Variants in SLC17A6 observed in about 807,000 individuals in gnomAD.
SLC17A6 encodes the protein solute carrier family 17 member 6.
In SLC17A6, 35 loss-of-function variants were observed where a neutral mutation model predicts 67.1. That is an observed-to-expected ratio of 0.52 (90% confidence interval 0.40 to 0.69). SLC17A6 has a LOEUF of 0.69. Among genes scored for constraint, SLC17A6 ranks in the 30% least tolerant of loss-of-function variants. SLC17A6 has a pLI of 0.00. For synonymous variants in SLC17A6, 285 were observed against 252.3 expected, an observed-to-expected ratio of 1.13 and a Z score of -1.23; for missense variants, 588 against 723.9, an observed-to-expected ratio of 0.81 and a Z score of 2.15.
intron 4 of SLC17A6, among the ~76,000 whole-genome samples, chr11:22,360,294 G>A (rs1856036458): frequency 6.6e-6 from 1 of 151,986 alleles, no homozygotes; most frequent in Non-Finnish European, 1.5e-5. Context: ...CATGGACACA[G>A]GGAGGGGAAC....
chr11:22,341,258 G>T (rs1316263492), intron 1 of SLC17A6, among the ~76,000 whole-genome samples: 1 of 152,172 alleles, frequency 6.6e-6, no homozygotes, highest in Non-Finnish European at 1.5e-5. Flanking sequence ...AGCGCCCAGG[G>T]GTGGATCCCG....
intron 8 of SLC17A6, among the ~76,000 whole-genome samples, chr11:22,371,786 G>T (rs570208062): frequency 6.6e-6 from 1 of 152,102 alleles, no homozygotes; most frequent in East Asian, 1.9e-4. Context: ...AAATAAAATT[G>T]TGGATAAATT....
rs577013570 is a variant in SLC17A6, at chr11:22,373,936, C to A, written c.1042-819C>A. 8.9e-4 allele frequency among the ~76,000 whole-genome samples: 135 copies of A among 152,286 alleles called. 2 individuals are homozygous for A. The Middle Eastern group carries it at 0.01, about 12-fold the overall frequency. On this transcript the variant is annotated intron_variant, in intron 8 of 11. Coordinates refer to ENST00000263160, the MANE Select transcript of SLC17A6 (RefSeq NM_020346.3). ...CATACTTAAACACAAATTATGAATG[C>A]CATCTGCCAACAATTGTTCTTCAAA...
chr11:22,341,252 C>G (rs1855811931), intron 1 of SLC17A6, among the ~76,000 whole-genome samples: 1 of 152,192 alleles, frequency 6.6e-6, no homozygotes, highest in African/African-American at 2.4e-5. Flanking sequence ...AATCAGAGCG[C>G]CCAGGGGTGG....
chr11:22,360,788 G>A (rs1269565113), intron 4 of SLC17A6, 109 bp from the exon 5 acceptor site: 2 of 832,792 alleles, frequency 2.4e-6, no homozygotes, highest in Non-Finnish European at 3.7e-6. Context: ...CAGAAAAAAA[G>A]AAAATTGAGG....
At position 22,338,543 on chromosome 11, in the gene SLC17A6, G is replaced by A; in HGVS notation, c.10G>A (p.Val4Ile). Reference sequence around the variant, plus strand: ...AACAGTCTTTGCAAGAATGGAATCCGTAAAACAAAGGATTTTGGCCCCAGG... The same window carrying A: ...AACAGTCTTTGCAAGAATGGAATCCATAAAACAAAGGATTTTGGCCCCAGG... MES[V>I]KQRILAPGKE... The change falls in exon 1 of 12, where the codon GTA becomes ATA. Residue 4 changes from valine to isoleucine, a missense_variant. Around this residue, in one of 4 missense-constraint regions of SLC17A6, gnomAD observed 117 missense variants for 98.7 expected, o/e 1.19. Transcript: ENST00000263160. 6.2e-7 allele frequency: 1 copy of A among 1,612,528 alleles called. No individual in the cohort carries two copies. The highest frequency in any genetic ancestry group is 1.1e-5 in the South Asian group (1 of 90,910).
chr11:22,379,407 C>T lies in SLC17A6; in HGVS notation c.*1667C>T, dbSNP rs1198922040. ...GTGCCTCAAAGTGATGTAATGTGAT[C>T]ACAGCTTTTGTTGTGTTGAATGAAA... On this transcript the variant is annotated 3_prime_UTR_variant, in exon 12 of 12. Transcript: ENST00000263160. 6 of 152,170 alleles carry T rather than the reference C, an allele frequency of 3.9e-5. No homozygotes were observed. Among genetic ancestry groups the T allele is most frequent in the Admixed American group, 2.6e-4 (4 of 15,232 alleles). 9.4% of individuals were successfully genotyped at this position (152,170 alleles called of 1,614,324 possible).
chr11:22,359,711 C>T (rs1856028195), intron 4 of SLC17A6, among the ~76,000 whole-genome samples, 184 bp downstream of exon 4: 1 of 151,984 alleles, frequency 6.6e-6, no homozygotes, highest in Non-Finnish European at 1.5e-5. Context: ...GATATGAAAC[C>T]ATGAATATCA....
Position 22,365,609 on chromosome 11 carries a change from C to A in SLC17A6, c.811C>A (p.His271Asn). The stretch of plus-strand genomic sequence containing the variant: ...GGTGTCTTATGAAAGTCCTGCAAAG[C>A]ATCCTACTATTACAGATGAAGAACG... ...LLVSYESPAK[H>N]PTITDEERRY... Residue 271 changes from histidine (H) to asparagine (N), a missense_variant, in exon 7 of 12, where the codon CAT becomes AAT. His to Asn is a moderately conservative substitution (Grantham distance 68). Around this residue, in one of 4 missense-constraint regions of SLC17A6, gnomAD observed 414 missense variants for 563.4 expected, o/e 0.73. Transcript: ENST00000263160. The A allele has an allele frequency of 6.2e-7, 1 of 1,613,958 alleles. No homozygotes were observed. The highest frequency in any genetic ancestry group is 1.1e-5 in the South Asian group (1 of 91,082).
chr11:22,360,837 A>T (rs977925841), intron 4 of SLC17A6, 60 bp from the exon 5 acceptor site: 5 of 1,445,672 alleles, frequency 3.5e-6, no homozygotes, highest in African/African-American at 1.4e-5. Flanking sequence ...TTTGTACAGG[A>T]TACTAAAAAG....
At chr11:22,354,726 T>C (rs1160057272) in intron 3 of SLC17A6, among the ~76,000 whole-genome samples, 1 of 152,220 alleles carries the variant, frequency 6.6e-6, no homozygotes, top group Non-Finnish European at 1.5e-5. Context: ...ATGTAAACCA[T>C]AGTTCTCTAC....
rs5790254 is a variant in SLC17A6, at chr11:22,345,315, A to ATT, written c.458+1964_458+1965dup. Among the ~76,000 whole-genome samples the ATT allele has an allele frequency of 9.6e-3, 1,369 of 142,826 alleles. 13 individuals carry two copies. Among genetic ancestry groups the ATT allele is most frequent in the African/African-American group, 0.018 (688 of 38,866 alleles). 93.7% of individuals were successfully genotyped at this position (142,826 alleles called of 152,430 possible). Reference sequence around the variant, plus strand: ...TTATCTGGTAGATTTTACTCAAAAGATTTTTTTTTTTTTTTGAGATGGATT... The same window carrying ATT: ...TTATCTGGTAGATTTTACTCAAAAGATTTTTTTTTTTTTTTTTGAGATGGATT... On this transcript the variant is annotated intron_variant, in intron 3 of 11. Coordinates refer to ENST00000263160, the MANE Select transcript of SLC17A6 (RefSeq NM_020346.3).
Position 22,339,151 on chromosome 11 carries a change from A to ATATAT in SLC17A6, c.86+532_86+533insTATAT, listed in dbSNP as rs57725309. Among the ~76,000 whole-genome samples, 2 of 29,796 alleles carry ATATAT rather than the reference A, an allele frequency of 6.7e-5. 1 individual carries two copies. The highest frequency in any genetic ancestry group is 3.6e-4 in the African/African-American group (2 of 5,578). The allele number at this position is 29,796 out of a possible 152,430, so 19.5% of individuals were successfully genotyped here. ...TATGTTATATATATATGTTATATATAGTTATATATATATGTTATATATATA... is the reference window on the plus strand; with the variant it reads ...TATGTTATATATATATGTTATATATATATATGTTATATATATATGTTATATATATA... On this transcript the variant is annotated intron_variant, in intron 1 of 11. Coordinates refer to ENST00000263160, the MANE Select transcript of SLC17A6 (RefSeq NM_020346.3).
chr11:22,359,982 T>C (rs1211043259), intron 4 of SLC17A6, among the ~76,000 whole-genome samples: 1 of 152,126 alleles, frequency 6.6e-6, no homozygotes, highest in Non-Finnish European at 1.5e-5. Context: ...AATGATCAAC[T>C]CTTGCTCCAT....
chr11:22,359,402 T>C lies in SLC17A6; in HGVS notation c.459-11T>C, dbSNP rs767433561. ...ATCATTTAAACAGTGTTCTCATCTT[T>C]TCTATTTCAGGGTTTTCGGAGCTGC... On this transcript the variant is annotated splice_polypyrimidine_tract_variant and intron_variant, in intron 3 of 11. Coordinates refer to ENST00000263160, the MANE Select transcript of SLC17A6 (RefSeq NM_020346.3). 1.7e-5 allele frequency: 26 copies of C among 1,541,450 alleles called. No individual in the cohort carries two copies. The East Asian group carries it at 5.6e-4, about 33-fold the overall frequency.
chr11:22,339,168 A>ATATATATGTTT (rs1855781263), intron 1 of SLC17A6, among the ~76,000 whole-genome samples: 3 of 59,248 alleles, frequency 5.1e-5, no homozygotes, highest in African/African-American at 2.2e-4. Context: ...TATATATGTT[A>ATATATATGTTT]TATATATATG....
In SLC17A6 at chr11:22,376,687, A is replaced by G. The variant is rs772760433; in HGVS notation, c.1413+15A>G. 61 of 1,613,126 alleles carry G rather than the reference A, an allele frequency of 3.8e-5. No individual in the cohort carries two copies. The highest frequency in any genetic ancestry group is 2.5e-6 in the Non-Finnish European group (3 of 1,179,376). On this transcript the variant is annotated intron_variant, in intron 11 of 11. Transcript: ENST00000263160. ...CAAAGAATAAGGTAAGATGGTCAAA[A>G]CAGATGTTTAGTCATAGAAGACAGT...
At chr11:22,348,302 C>A (rs1449870122) in intron 3 of SLC17A6, among the ~76,000 whole-genome samples, 2 of 152,142 alleles carry the variant, frequency 1.3e-5, no homozygotes, top group African/African-American at 4.8e-5. Flanking sequence ...TGCCCCAAAT[C>A]CAGGGAAGAA....
At position 22,378,991 on chromosome 11, in the gene SLC17A6, G is replaced by C. The variant is rs969395685; in HGVS notation, c.*1251G>C. 3.9e-5 allele frequency: 6 copies of C among 152,460 alleles called. No homozygotes were observed. The highest frequency in any genetic ancestry group is 8.8e-5 in the Non-Finnish European group (6 of 67,966). 9.4% of individuals were successfully genotyped at this position (152,460 alleles called of 1,614,324 possible). A position where few individuals can be genotyped will look rare whatever the true frequency, so the allele number is the denominator to read the frequency against. ...ATAGAGTCATAGAATTTTAGGTGGG[G>C]AAGAGGCATTTTGCTTGTCATTTCT... On this transcript the variant is annotated 3_prime_UTR_variant, in exon 12 of 12. Transcript: ENST00000263160.
Sources: gnomAD v4.1 joint callset for allele counts (sites outside exome capture counted in the v4.1 genomes callset) on GRCh38, gnomAD v4.1.1 for gene constraint, gnomAD v4.1.1 regional missense constraint, MANE v1.5 for transcripts, NCBI Gene and HGNC (gene_info 2026-07-23, HGNC 2026-07-21) for gene names.